ECT2L: variants seen among roughly 807,000 people sequenced by gnomAD.
ECT2L encodes the protein epithelial cell transforming 2 like.
In ECT2L, 126 loss-of-function variants were observed where a neutral mutation model predicts 122.8. The ratio of observed to expected loss-of-function variants is 1.03; its 90% CI spans 0.89 to 1.19. The LOEUF (loss-of-function observed/expected upper bound fraction) is 1.19. Ranked by LOEUF, ECT2L falls within the 50% of genes most tolerant of loss-of-function variation. The probability of loss-of-function intolerance (pLI) is 0.00; values close to 1 mark genes in which losing one functional copy is unlikely to be tolerated. For synonymous variants in ECT2L, 385 were observed against 381.8 expected, an observed-to-expected ratio of 1.01 and a Z score of -0.10; for missense variants, 1,012 against 1,064.1, an observed-to-expected ratio of 0.95 and a Z score of 0.68.
At chr6:138,875,992 G>A (rs1778436394) in intron 13 of ECT2L, among the ~76,000 whole-genome samples, 1 of 152,108 alleles carries the variant, frequency 6.6e-6, no homozygotes, top group Non-Finnish European at 1.5e-5. Context: ...GTGGTAGTGG[G>A]CCCTGTAAGC....
At chr6:138,841,464 TGA>T (rs1777037474) in intron 5 of ECT2L, among the ~76,000 whole-genome samples, 1 of 152,246 alleles carries the variant, frequency 6.6e-6, no homozygotes, top group Non-Finnish European at 1.5e-5. Context: ...TCAGTCTTTG[TGA>T]GAGTTTGTCT....
intron 14 of ECT2L, among the ~76,000 whole-genome samples, chr6:138,877,714 G>A (rs577448852): frequency 5.3e-5 from 8 of 152,182 alleles, no homozygotes; most frequent in East Asian, 1.9e-4. Context: ...CAGGTGCATC[G>A]CTTAAGCAGA....
rs529053672 is a variant in ECT2L, at chr6:138,855,956, T to G, written c.1198+1802T>G. Among the ~76,000 whole-genome samples the G allele has an allele frequency of 1.6e-4, 25 of 152,170 alleles. No individual in the cohort carries two copies. The South Asian group carries it at 5.2e-3, about 32-fold the overall frequency. The stretch of plus-strand genomic sequence containing the variant: ...TTGGTGACATAAAAATTGTCTCAAG[T>G]GAAACTTAATGACACTCAAAAAATA... On this transcript the variant is annotated intron_variant, in intron 10 of 21. Transcript: ENST00000541398.
At chr6:138,832,958 G>T (rs1776701176) in intron 4 of ECT2L, among the ~76,000 whole-genome samples, 1 of 151,958 alleles carries the variant, frequency 6.6e-6, no homozygotes. Context: ...GCATGGGTTG[G>T]GGGGCCTCAG....
chr6:138,846,272 T>C (rs976871897), intron 7 of ECT2L, among the ~76,000 whole-genome samples: 4 of 152,156 alleles, frequency 2.6e-5, no homozygotes, highest in Admixed American at 1.3e-4. Flanking sequence ...TACCTTCATT[T>C]AAGTGCCCAA....
At chr6:138,839,962 TAAAG>T (rs1776979843) in intron 5 of ECT2L, among the ~76,000 whole-genome samples, 1 of 152,130 alleles carries the variant, frequency 6.6e-6, no homozygotes, top group African/African-American at 2.4e-5. Flanking sequence ...CTTTTTTTGT[TAAAG>T]ATTTTTATTT....
At chr6:138,799,906 T>C (rs754423111) in intron 1 of ECT2L, among the ~76,000 whole-genome samples, 1 of 152,214 alleles carries the variant, frequency 6.6e-6, no homozygotes, top group African/African-American at 2.4e-5. Flanking sequence ...CCAGGGTGAA[T>C]CTGAAGATTC....
At chr6:138,810,439 C>A (rs1047116703) in intron 1 of ECT2L, among the ~76,000 whole-genome samples, 1 of 152,158 alleles carries the variant, frequency 6.6e-6, no homozygotes, top group Admixed American at 6.5e-5. Context: ...TTGGCTTTTT[C>A]TAAGGAAGCC....
At chr6:138,871,526 C>G (rs1414610845) in intron 13 of ECT2L, among the ~76,000 whole-genome samples, 2 of 152,190 alleles carry the variant, frequency 1.3e-5, no homozygotes, top group East Asian at 3.8e-4. Context: ...CCATCCTTGG[C>G]CAGGCGCAGT....
chr6:138,901,157 C>CAAAAAGCTAT, intron 21 of ECT2L, 37 bp downstream of exon 21: 1 of 1,591,366 alleles, frequency 6.3e-7, no homozygotes, highest in Non-Finnish European at 8.6e-7. Context: ...CAGATACCTT[C>CAAAAAGCTAT]AAAAAGCTAT....
At chr6:138,869,556 C>A (rs1778171849) in intron 13 of ECT2L, among the ~76,000 whole-genome samples, 1 of 152,192 alleles carries the variant, frequency 6.6e-6, no homozygotes, top group Non-Finnish European at 1.5e-5. Context: ...TGACGAAAGG[C>A]CTTTGGCGAG....
At chr6:138,869,326 TC>T (rs1036734673) in intron 13 of ECT2L, among the ~76,000 whole-genome samples, 4 of 152,242 alleles carry the variant, frequency 2.6e-5, no homozygotes, top group African/African-American at 9.6e-5. Flanking sequence ...TCTTCCACCA[TC>T]ATAATTCTGC....
At chr6:138,876,136 AAAG>A (rs964907353) in intron 13 of ECT2L, among the ~76,000 whole-genome samples, 3 of 152,070 alleles carry the variant, frequency 2.0e-5, no homozygotes, top group African/African-American at 7.2e-5. Flanking sequence ...AAAAAAAAAA[AAAG>A]AAGTCTGTTA....
At chr6:138,836,186 A>G (rs1776831191) in intron 4 of ECT2L, among the ~76,000 whole-genome samples, 1 of 152,136 alleles carries the variant, frequency 6.6e-6, no homozygotes, top group Admixed American at 6.5e-5. Flanking sequence ...TTTAATAAGC[A>G]ATTTAAAAGT....
chr6:138,866,633 T>C (rs1778049960), intron 12 of ECT2L, among the ~76,000 whole-genome samples: 2 of 152,150 alleles, frequency 1.3e-5, no homozygotes, highest in Non-Finnish European at 2.9e-5. Context: ...GTGATAAGAG[T>C]ATTTATTAAA....
At chr6:138,823,303 C>A in intron 4 of ECT2L, 1 of 1,587,872 alleles carries the variant, frequency 6.3e-7, no homozygotes, top group Non-Finnish European at 8.5e-7. Flanking sequence ...AGGTGCATTC[C>A]CATTTTCCCC....
chr6:138,869,157 ACT>A (rs1562483887), intron 13 of ECT2L, among the ~76,000 whole-genome samples: 1 of 151,934 alleles, frequency 6.6e-6, no homozygotes, highest in Admixed American at 6.6e-5. Flanking sequence ...ACAAAGCAAG[ACT>A]CTGTCTCAAA....
intron 9 of ECT2L, among the ~76,000 whole-genome samples, chr6:138,850,993 T>C (rs1177429823): frequency 2.2e-4 from 3 of 13,676 alleles, no homozygotes; most frequent in Non-Finnish European, 3.5e-4. Context: ...AAACTCCATC[T>C]CAAAAAAAAA....
chr6:138,847,246 G>C (rs979479336), intron 8 of ECT2L, among the ~76,000 whole-genome samples: 16 of 149,644 alleles, frequency 1.1e-4, no homozygotes, highest in Admixed American at 7.4e-4. Context: ...CTGGGTGACA[G>C]AGTAAGACAC....
Sources: allele counts gnomAD v4.1 joint callset (sites outside exome capture counted in the v4.1 genomes callset), GRCh38; gene constraint gnomAD v4.1.1; transcripts MANE v1.5; gene names NCBI Gene and HGNC (gene_info 2026-07-23, HGNC 2026-07-21).